ACTN2: variants seen among roughly 807,000 people sequenced by gnomAD.
ACTN2 encodes the protein alpha-actinin-2.
Under a neutral mutation model 113.8 loss-of-function variants are expected in ACTN2, and 39 were observed. That is an observed-to-expected ratio of 0.34 (90% CI 0.27 to 0.45). ACTN2 has a LOEUF of 0.45. Ranked by LOEUF, ACTN2 falls within the 20% of genes least tolerant of loss-of-function variation. The pLI is 1.00. For missense variants in ACTN2, 992 were observed against 1,177.9 expected, an observed-to-expected ratio of 0.84 and a Z score of 2.31; for synonymous variants, 429 against 444.1, an observed-to-expected ratio of 0.97 and a Z score of 0.43.
rs1465579522 is a variant in ACTN2 at position 236,715,329 on chromosome 1, T to G, written c.127-2529T>G. Among the ~76,000 whole-genome samples, 5 of 116,564 alleles carry G rather than the reference T, an allele frequency of 4.3e-5. No individual in the cohort carries two copies. In the Admixed American group the frequency reaches 4.5e-4, roughly 11 times the overall value. 76.5% of individuals were successfully genotyped at this position (116,564 alleles called of 152,430 possible). ...CCCCTCCCCCCACCCTGTTACCACT[T>G]GAAGTTTTATACCAAAGAAACCTAT... On this transcript the variant is annotated intron_variant, in intron 1 of 20. Coordinates refer to ENST00000366578, the MANE Select transcript of ACTN2 (RefSeq NM_001103.4).
Position 236,751,592 on chromosome 1 carries a change from C to T in ACTN2, c.1779C>T (p.Ile593=). ...TGATTCAGAGCTACAACATCAGAATCAGCTCAAGCAACCCGTACAGCACTG... is the reference window on the plus strand; with the variant it reads ...TGATTCAGAGCTACAACATCAGAATTAGCTCAAGCAACCCGTACAGCACTG... The part of the protein sequence containing the change: ...EKVIQSYNIR[I]SSSNPYSTVT... The change falls in exon 15 of 21, where the codon ATC becomes ATT. Residue 593 remains isoleucine, a synonymous_variant. Transcript: ENST00000366578. 6.2e-7 allele frequency: 1 copy of T among 1,614,028 alleles called. No homozygotes were observed. Among genetic ancestry groups the T allele is most frequent in the Non-Finnish European group, 8.5e-7 (1 of 1,179,946 alleles).
At chr1:236,694,220 C>CTT (rs540449597) in intron 1 of ACTN2, among the ~76,000 whole-genome samples, 28 of 134,410 alleles carry the variant, frequency 2.1e-4, no homozygotes, top group African/African-American at 2.5e-4. Context: ...TTTTTCTTTT[C>CTT]TTTTTTTTTT....
chr1:236,734,904 A>G (rs1658822377), intron 7 of ACTN2, among the ~76,000 whole-genome samples: 2 of 152,252 alleles, frequency 1.3e-5, no homozygotes, highest in African/African-American at 4.8e-5. Context: ...GGTGTTGCCA[A>G]GATGGAGGAA....
chr1:236,726,175 C>A (rs1187380698), intron 5 of ACTN2, among the ~76,000 whole-genome samples, 155 bp downstream of exon 5: 2 of 152,154 alleles, frequency 1.3e-5, no homozygotes, highest in African/African-American at 4.8e-5. Context: ...TGCTTAAAGT[C>A]TCCCAGAGGA....
intron 12 of ACTN2, among the ~76,000 whole-genome samples, chr1:236,746,142 G>C (rs1434370666): frequency 6.8e-6 from 1 of 146,110 alleles, no homozygotes; most frequent in Non-Finnish European, 1.5e-5. Context: ...CTCCAGCCTG[G>C]GCGACAGAGC....
At position 236,754,200 on chromosome 1, in the gene ACTN2, C is replaced by T. The variant is rs543696041; in HGVS notation, c.1974+119C>T. ...CCACCCACTCAGTCAGGTGGGAGCA[C>T]CGTTCTGTTATCACCCCGGCTTTAT... On this transcript the variant is annotated intron_variant, in intron 16 of 20. Transcript: ENST00000366578. This position sits in a 1 kb window ranked among gnomAD's most constrained non-coding sequence, Gnocchi z 4.9. 7.4e-6 allele frequency: 10 copies of T among 1,352,400 alleles called. No individual in the cohort carries two copies. In the South Asian group the frequency reaches 8.3e-5, roughly 11 times the overall value. The allele number at this position is 1,352,400 out of a possible 1,614,324, so 83.8% of individuals were successfully genotyped here.
chr1:236,735,789 G>C (rs748749600), intron 8 of ACTN2, 69 bp downstream of exon 8: 21 of 1,331,166 alleles, frequency 1.6e-5, no homozygotes, highest in Non-Finnish European at 2.3e-5. Flanking sequence ...GTGCATACTT[G>C]AGTGTGTGTT....
chr1:236,750,591 C>T (rs1334064567), intron 14 of ACTN2, among the ~76,000 whole-genome samples: 2 of 152,112 alleles, frequency 1.3e-5, no homozygotes, highest in African/African-American at 4.8e-5. Context: ...GGTCTTTGAG[C>T]CGCTGAATTT....
intron 20 of ACTN2, 150 bp downstream of exon 20, chr1:236,761,323 C>G: frequency 1.1e-6 from 1 of 946,050 alleles, no homozygotes; most frequent in South Asian, 1.4e-5. Context: ...CAGATAGACA[C>G]ACAACAATGG....
intron 7 of ACTN2, among the ~76,000 whole-genome samples, chr1:236,733,301 G>T (rs1371340496): frequency 6.6e-6 from 1 of 152,186 alleles, no homozygotes; most frequent in Non-Finnish European, 1.5e-5. Context: ...AACTGGGGAT[G>T]AGTTTCCTAT....
intron 14 of ACTN2, among the ~76,000 whole-genome samples, chr1:236,749,945 A>G (rs554216658): frequency 6.6e-6 from 1 of 152,358 alleles, no homozygotes; most frequent in South Asian, 2.1e-4. Context: ...AAACGTGTGC[A>G]TATTACTGTT....
chr1:236,729,685 G>A (rs1366492825), intron 6 of ACTN2, among the ~76,000 whole-genome samples: 1 of 152,118 alleles, frequency 6.6e-6, no homozygotes, highest in East Asian at 1.9e-4. Flanking sequence ...CCATGAAAAC[G>A]GAACTTTTTC....
chr1:236,757,707 C>T (rs1053950770), intron 18 of ACTN2, 75 bp downstream of exon 18: 37 of 1,570,242 alleles, frequency 2.4e-5, no homozygotes, highest in African/African-American at 2.0e-4. Context: ...TGCATGCTCT[C>T]GTTTTAAGTC....
chr1:236,752,645 G>C (rs1287261004), intron 15 of ACTN2, among the ~76,000 whole-genome samples: 1 of 152,044 alleles, frequency 6.6e-6, no homozygotes, highest in Non-Finnish European at 1.5e-5. Flanking sequence ...TCTTCCTCGT[G>C]GGTTCAAGTG....
At chr1:236,760,627 G>A (rs1572151583) in intron 19 of ACTN2, among the ~76,000 whole-genome samples, 1 of 152,264 alleles carries the variant, frequency 6.6e-6, no homozygotes, top group African/African-American at 2.4e-5. Context: ...AACTACAGTC[G>A]TGACAGCCAT....
chr1:236,701,589 T>C (rs1469731322), intron 1 of ACTN2, among the ~76,000 whole-genome samples: 1 of 152,196 alleles, frequency 6.6e-6, no homozygotes, highest in Non-Finnish European at 1.5e-5. Context: ...GCTATGTATA[T>C]GGTTTTATAA....
chr1:236,754,121 C>G lies in ACTN2; in HGVS notation c.1974+40C>G, dbSNP rs748941751. 3 of 1,610,532 alleles carry G rather than the reference C, an allele frequency of 1.9e-6. No individual in the cohort carries two copies. The highest frequency in any genetic ancestry group is 2.5e-6 in the Non-Finnish European group (3 of 1,179,898). ...TCCCAGGCGCTGTTCACAAGCCTTG[C>G]GATAAGTCCCTTTAGCCACGCAGCA... On this transcript the variant is annotated intron_variant, in intron 16 of 20. Coordinates refer to ENST00000366578, the MANE Select transcript of ACTN2 (RefSeq NM_001103.4). This position sits in a 1 kb window ranked among gnomAD's most constrained non-coding sequence, Gnocchi z 4.9.
intron 10 of ACTN2, among the ~76,000 whole-genome samples, chr1:236,741,497 G>T (rs554316731): frequency 1.3e-5 from 2 of 152,058 alleles, no homozygotes; most frequent in Non-Finnish European, 2.9e-5. Flanking sequence ...CGGTTTCCTC[G>T]ATCCTAGTAA....
intron 12 of ACTN2, 66 bp downstream of exon 12, chr1:236,744,842 C>T: frequency 6.2e-7 from 1 of 1,607,360 alleles, no homozygotes; most frequent in Non-Finnish European, 8.5e-7. Flanking sequence ...GAGAGAAAGG[C>T]CTGCCTTGCC....
Sources: allele counts gnomAD v4.1 joint callset (sites outside exome capture counted in the v4.1 genomes callset), GRCh38; gene constraint gnomAD v4.1.1; non-coding constraint Gnocchi (gnomAD v3.1); transcripts MANE v1.5; gene names NCBI Gene and HGNC (gene_info 2026-07-23, HGNC 2026-07-21).